The following AASDH variants were observed in gnomAD, a reference collection of about 807,000 sequenced individuals.
AASDH encodes beta-alanine-activating enzyme.
A neutral mutation model predicts 102.3 loss-of-function variants in AASDH; 81 were observed. That is an observed-to-expected ratio of 0.79 (90% CI 0.66 to 0.95). AASDH has a LOEUF of 0.95. Ranked by LOEUF, AASDH falls within the 40% of genes least tolerant of loss-of-function variation. AASDH has a pLI of 0.00. For missense variants in AASDH, 1,203 were observed against 1,266.2 expected (o/e 0.95, Z 0.76); for synonymous variants, 398 against 454.0 (o/e 0.88, Z 1.57).
At chr4:56,341,485 C>T (rs1016853744) in intron 14 of AASDH, among the ~76,000 whole-genome samples, 33 of 148,848 alleles carry the variant, frequency 2.2e-4, no homozygotes, top group Non-Finnish European at 4.0e-4. Context: ...CTCCACCTCC[C>T]GGGTTCCAGC....
chr4:56,353,490 A>G lies in AASDH; in HGVS notation c.1490T>C (p.Ile497Thr). 2 of 1,613,900 alleles carry G rather than the reference A, an allele frequency of 1.2e-6. No individual in the cohort carries two copies. Among genetic ancestry groups the G allele is most frequent in the Non-Finnish European group, 1.7e-6 (2 of 1,179,948 alleles). ...VSKDASVKEY[I>T]FKELQKYLPS... ...AAGATATTTCTGCAGTTCTTTAAAG[A>G]TGTATTCTTTTACTGAAGCATCTTT... Residue 497 changes from isoleucine (I) to threonine (T), a missense_variant, in exon 9 of 15, where the codon ATC (isoleucine) becomes ACC (threonine). Physicochemically the swap from Ile to Thr is moderately conservative, Grantham distance 89 (BLOSUM62 -1). Coordinates refer to ENST00000205214, the MANE Select transcript of AASDH (RefSeq NM_181806.4).
chr4:56,353,897 T>C, intron 8 of AASDH, 142 bp downstream of exon 8: 1 of 748,630 alleles, frequency 1.3e-6, no homozygotes, highest in Non-Finnish European at 2.0e-6. Flanking sequence ...GCACCCTGAA[T>C]TATTCATACC....
intron 14 of AASDH, 147 bp downstream of exon 14, chr4:56,342,688 T>C (rs1032151950): frequency 3.3e-5 from 7 of 213,280 alleles, no homozygotes; most frequent in Non-Finnish European, 5.3e-5. Flanking sequence ...GTTACTTCAG[T>C]TGTCACCATC....
intron 5 of AASDH, chr4:56,356,263 C>A: frequency 1.1e-6 from 1 of 938,946 alleles, no homozygotes; most frequent in Non-Finnish European, 1.7e-6. Flanking sequence ...CTGAGCAAGA[C>A]ATCCAGCCCA....
At chr4:56,345,804 A>T (rs1427945746) in intron 11 of AASDH, among the ~76,000 whole-genome samples, 1 of 152,258 alleles carries the variant, frequency 6.6e-6, no homozygotes, top group East Asian at 1.9e-4. Flanking sequence ...TTGAGCATTT[A>T]CTATGTGTCA....
Position 56,384,648 on chromosome 4 carries a change from T to C in AASDH, c.-42-307A>G, listed in dbSNP as rs1578092926. Reference sequence around the variant, plus strand: ...CTCTCAACGGACCACAATGTAAATATGAAATATATAAAAAATTAATCAATA... The same window carrying C: ...CTCTCAACGGACCACAATGTAAATACGAAATATATAAAAAATTAATCAATA... On this transcript the variant is annotated intron_variant, in intron 1 of 14. Coordinates refer to ENST00000205214, the MANE Select transcript of AASDH (RefSeq NM_181806.4). 3.9e-5 allele frequency among the ~76,000 whole-genome samples: 6 copies of C among 151,994 alleles called. No individual in the cohort carries two copies. In the South Asian group the frequency reaches 1.2e-3, roughly 31 times the overall value.
chr4:56,338,864 G>A, intron 14 of AASDH, 73 bp from the exon 15 acceptor site: 1 of 1,408,674 alleles, frequency 7.1e-7, no homozygotes, highest in South Asian at 1.3e-5. Context: ...GCTCTATGAG[G>A]TTCTTAATGC....
chr4:56,339,910 T>C (rs923632963), intron 14 of AASDH, among the ~76,000 whole-genome samples: 1 of 152,018 alleles, frequency 6.6e-6, no homozygotes, highest in Non-Finnish European at 1.5e-5. Flanking sequence ...GGCTCACACC[T>C]GTAATCCCAA....
chr4:56,356,514 GT>G (rs1749659496), intron 5 of AASDH: 1 of 1,091,978 alleles, frequency 9.2e-7, no homozygotes, highest in African/African-American at 1.6e-5. Flanking sequence ...CAAAGGGGAT[GT>G]CCCCAGTAAG....
At chr4:56,342,163 A>AATAAAAACAG (rs1327297618) in intron 14 of AASDH, among the ~76,000 whole-genome samples, 1 of 151,576 alleles carries the variant, frequency 6.6e-6, no homozygotes, top group African/African-American at 2.4e-5. Context: ...CTAATAAAAA[A>AATAAAAACAG]ATAAAAACAG....
chr4:56,361,674 A>G (rs1462037854), intron 5 of AASDH, among the ~76,000 whole-genome samples: 2 of 152,184 alleles, frequency 1.3e-5, no homozygotes, highest in African/African-American at 2.4e-5. Flanking sequence ...TTACTCTAAA[A>G]TGTTTTACTT....
intron 5 of AASDH, among the ~76,000 whole-genome samples, chr4:56,365,275 C>T (rs1170721665): frequency 3.9e-5 from 6 of 152,018 alleles, no homozygotes; most frequent in Non-Finnish European, 8.8e-5. Flanking sequence ...TAATGGGAGA[C>T]TTTCACACCC....
In AASDH at chr4:56,342,785, A is replaced by G. The variant is rs1577954322; in HGVS notation, c.2907+50T>C. The G allele has an allele frequency of 1.6e-5, 12 of 743,492 alleles. No homozygotes were observed. The East Asian group carries it at 6.5e-4, about 40-fold the overall frequency. 46.1% of individuals were successfully genotyped at this position (743,492 alleles called of 1,614,324 possible). A position where few individuals can be genotyped will look rare whatever the true frequency, so the allele number is the denominator to read the frequency against. On this transcript the variant is annotated intron_variant, in intron 14 of 14. Transcript: ENST00000205214. ...TTCTAGTTCTATTTTTTATATATAC[A>G]TTTATATATATATAAAAATGTATAT...
chr4:56,350,622 T>C lies in AASDH; in HGVS notation c.1693-564A>G, dbSNP rs145978996. Among the ~76,000 whole-genome samples the C allele has an allele frequency of 1.2e-3, 185 of 152,146 alleles. 1 individual carries two copies. The highest frequency in any genetic ancestry group is 0.011 in the East Asian group (55 of 5,176). ...ATACTTCCCTTTAGAGCAGTTTTCT[T>C]ACCCATAAAATTGGGACAAAAACAT... On this transcript the variant is annotated intron_variant, in intron 10 of 14. Coordinates refer to ENST00000205214, the MANE Select transcript of AASDH (RefSeq NM_181806.4).
In AASDH at chr4:56,382,614, ACAGT is replaced by A. The variant is rs1311552332; in HGVS notation, c.231-21_231-18del. ...TGGAGAATTCTAAAGAAAAAAGTAC[ACAGT>A]CAGCATAGAATGTCTGTTGATTTAG... is the stretch of plus-strand genomic sequence containing the variant. On this transcript the variant is annotated intron_variant, in intron 2 of 14. Coordinates refer to ENST00000205214, the MANE Select transcript of AASDH (RefSeq NM_181806.4). 8.1e-6 allele frequency: 13 copies of A among 1,604,468 alleles called. No individual in the cohort carries two copies. The highest frequency in any genetic ancestry group is 1.7e-4 in the Middle Eastern group (1 of 6,060).
At chr4:56,385,906 CCGAGT>C (rs753249756) in intron 1 of AASDH, among the ~76,000 whole-genome samples, 40 of 150,854 alleles carry the variant, frequency 2.7e-4, no homozygotes, top group Non-Finnish European at 2.7e-4. Context: ...CCGCGCCCGG[CCGAGT>C]CAAGTTTTCT....
intron 1 of AASDH, among the ~76,000 whole-genome samples, chr4:56,385,929 C>A (rs1044035025): frequency 1.8e-5 from 2 of 113,700 alleles, no homozygotes; most frequent in Non-Finnish European, 4.0e-5. Flanking sequence ...TCTTTTCTTT[C>A]TTTTTTTTTT....
Position 56,349,538 on chromosome 4 carries a change from G to C in AASDH, c.2213C>G (p.Ala738Gly). The change falls in exon 11 of 15, where the codon GCA (alanine) becomes GGA (glycine). Residue 738 changes from alanine (A) to glycine (G), a missense_variant. Transcript: ENST00000205214. ...AGGTTTCCCCTCTTCAGAAACTTTT[G>C]CAACACAGGATGGATCTTTTGACTT... Reference protein sequence around the residue: ...IGKSKDPSCVAKVSEEGKPAI... With the variant: ...IGKSKDPSCVGKVSEEGKPAI... 1 of 1,614,126 alleles carries C rather than the reference G, an allele frequency of 6.2e-7. No homozygotes were observed. The highest frequency in any genetic ancestry group is 8.5e-7 in the Non-Finnish European group (1 of 1,180,018).
intron 14 of AASDH, among the ~76,000 whole-genome samples, chr4:56,342,173 G>C (rs980894497): frequency 8.7e-5 from 13 of 149,278 alleles, no homozygotes. Context: ...AATAAAAACA[G>C]GTTAGTTAAT....
Sources: allele counts gnomAD v4.1 joint callset (sites outside exome capture counted in the v4.1 genomes callset), GRCh38; gene constraint gnomAD v4.1.1; transcripts MANE v1.5; gene names NCBI Gene and HGNC (gene_info 2026-07-23, HGNC 2026-07-21).